Variants in HMCN2 observed in about 807,000 individuals in gnomAD.
HMCN2 encodes hemicentin 2, also known as hemicentin-2.
A neutral mutation model predicts 377.5 loss-of-function variants in HMCN2; 325 were observed. The ratio of observed to expected loss-of-function variants is 0.86; its 90% CI spans 0.79 to 0.94. The LOEUF (loss-of-function observed/expected upper bound fraction) is 0.94, where lower values mean the gene tolerates loss of function less well. Among genes scored for constraint, HMCN2 ranks in the 40% least tolerant of loss-of-function variants. HMCN2 has a pLI of 0.00. For missense variants in HMCN2, 4,543 were observed against 4,725.3 expected (o/e 0.96, Z 1.13); for synonymous variants, 2,007 against 2,046.8 (o/e 0.98, Z 0.53).
chr9:130,322,338 CTATCCATCT>C (rs1588240199), intron 19 of HMCN2, among the ~76,000 whole-genome samples: 383 of 148,730 alleles, frequency 2.6e-3, no homozygotes, highest in East Asian at 9.2e-3. Flanking sequence ...ATCTATCTAT[CTATCCATCT>C]ATCTATCTAT....
rs756945424 is a variant in HMCN2 at position 130,357,862 on chromosome 9, T to A, written c.5454T>A (p.Gly1818=). 7.7e-7 allele frequency: 1 copy of A among 1,303,664 alleles called. No individual in the cohort carries two copies. The highest frequency in any genetic ancestry group is 1.2e-5 in the South Asian group (1 of 80,978). The allele number at this position is 1,303,664 out of a possible 1,614,324, so 80.8% of individuals were successfully genotyped here. ...TCCCATCGGTCAGTATCATTGGGGG[T>A]GAGAACATCACAGCTCCTTTCCTGC... ...HEFPSVSIIG[G]ENITAPFLQP... The change falls in exon 35 of 98, where the codon GGT becomes GGA. Residue 1818 remains glycine, a synonymous_variant. Coordinates refer to ENST00000683500, the MANE Select transcript of HMCN2 (RefSeq NM_001291815.2).
At chr9:130,350,569 C>T (rs1456971719) in intron 29 of HMCN2, among the ~76,000 whole-genome samples, 3 of 148,078 alleles carry the variant, frequency 2.0e-5, no homozygotes, top group Admixed American at 6.8e-5. Context: ...AAAAAGTCCA[C>T]GTAACATACA....
At chr9:130,380,605 C>T (rs1173757421) in intron 54 of HMCN2, among the ~76,000 whole-genome samples, 1 of 151,868 alleles carries the variant, frequency 6.6e-6, no homozygotes, top group East Asian at 1.9e-4. Flanking sequence ...TGGGCAACAT[C>T]GTGAGACCCC....
Position 130,302,864 on chromosome 9 carries a change from C to T in HMCN2, c.1284C>T (p.Pro428=), listed in dbSNP as rs918426665. 2.1e-6 allele frequency: 1 copy of T among 466,242 alleles called. No individual in the cohort carries two copies. Among genetic ancestry groups the T allele is most frequent in the South Asian group, 1.6e-5 (1 of 63,962 alleles). The allele number at this position is 466,242 out of a possible 1,614,324, so 28.9% of individuals were successfully genotyped here. A position where few individuals can be genotyped will look rare whatever the true frequency, so the allele number is the denominator to read the frequency against. ...CCTGGTCCCCGCCTACAGGCGCTCC[C>T]CTCGTCAGCATGGCCCCCAGGATCC... ...VSYSGVAPGA[P]LVSMAPRIHG... The change falls in exon 9 of 98, where the codon CCC becomes CCT. Residue 428 remains proline, a synonymous_variant. Coordinates refer to ENST00000683500, the MANE Select transcript of HMCN2 (RefSeq NM_001291815.2).
rs1393675237 is a variant in HMCN2 at position 130,295,000 on chromosome 9, C to G, written c.758C>G (p.Pro253Arg). ...EVTISLSGPG[P>R]EIEVQDPLGR... is the part of the protein sequence containing the mutation. Reference sequence around the variant, plus strand: ...ACCATCTCATTGAGTGGGCCAGGGCCTGAGATTGAAGTCCAAGATCCGCTG... The same window carrying G: ...ACCATCTCATTGAGTGGGCCAGGGCGTGAGATTGAAGTCCAAGATCCGCTG... The change falls in exon 5 of 98, where the codon CCT becomes CGT. Residue 253 changes from proline (P) to arginine (R), a missense_variant. Around this residue, in one of 5 missense-constraint regions of HMCN2, gnomAD observed 547 missense variants for 189.9 expected, o/e 2.88. Coordinates refer to ENST00000683500, the MANE Select transcript of HMCN2 (RefSeq NM_001291815.2). The G allele has an allele frequency of 4.3e-6, 2 of 470,334 alleles. No homozygotes were observed. The highest frequency in any genetic ancestry group is 4.0e-5 in the African/African-American group (2 of 50,052). 29.1% of individuals were successfully genotyped at this position (470,334 alleles called of 1,614,324 possible). A position where few individuals can be genotyped will look rare whatever the true frequency, so the allele number is the denominator to read the frequency against.
chr9:130,350,398 A>AAC, intron 29 of HMCN2, among the ~76,000 whole-genome samples: 1 of 147,828 alleles, frequency 6.8e-6, no homozygotes, highest in Non-Finnish European at 1.5e-5. Flanking sequence ...CAAAAAAAAA[A>AAC]AAAAAAGAAA....
At position 130,303,960 on chromosome 9, in the gene HMCN2, G is replaced by A. The variant is rs922803595; in HGVS notation, c.1543+352G>A. On this transcript the variant is annotated intron_variant, in intron 10 of 97. Coordinates refer to ENST00000683500, the MANE Select transcript of HMCN2 (RefSeq NM_001291815.2). This position sits in a 1 kb window ranked among gnomAD's most constrained non-coding sequence, Gnocchi z 5.2. ...AAGTCCCGGCCAGGATGGCGCCATC[G>A]AGCTGGGGAGGTTGGATACACCACA... is the stretch of plus-strand genomic sequence containing the variant. 5.3e-5 allele frequency among the ~76,000 whole-genome samples: 8 copies of A among 152,220 alleles called. No individual in the cohort carries two copies. The highest frequency in any genetic ancestry group is 1.7e-4 in the African/African-American group (7 of 41,458).
At chr9:130,368,752 CA>C (rs145095502) in intron 44 of HMCN2, among the ~76,000 whole-genome samples, 8,267 of 151,974 alleles carry the variant, frequency 0.054, 349 homozygotes, top group East Asian at 0.18. Flanking sequence ...GAGAGAGAGC[CA>C]GGGGGGAAGC....
chr9:130,330,793 T>C, intron 22 of HMCN2, among the ~76,000 whole-genome samples: 1 of 152,194 alleles, frequency 6.6e-6, no homozygotes, highest in Admixed American at 6.5e-5. Flanking sequence ...TTTTACCCAT[T>C]TTCTCGATTC....
At chr9:130,355,271 C>G in intron 32 of HMCN2, among the ~76,000 whole-genome samples, 1 of 152,138 alleles carries the variant, frequency 6.6e-6, no homozygotes, top group Non-Finnish European at 1.5e-5. Context: ...CCTGACTGTG[C>G]CCAGGACCCT....
chr9:130,291,304 G>T (rs1444289167), intron 4 of HMCN2, among the ~76,000 whole-genome samples: 1 of 152,164 alleles, frequency 6.6e-6, no homozygotes, highest in Admixed American at 6.5e-5. Context: ...CTGCCTCCTG[G>T]GTTCAAGCAA....
rs142747119 is a variant in HMCN2 at position 130,306,489 on chromosome 9, C to T, written c.1958+219C>T. Among the ~76,000 whole-genome samples the T allele has an allele frequency of 5.5e-3, 836 of 152,186 alleles. 6 individuals carry two copies. Among genetic ancestry groups the T allele is most frequent in the African/African-American group, 0.019 (789 of 41,502 alleles). ...CAGGAGCTCAGGCTGTATGGACCTG[C>T]GCCCAAATCCCGCCCCCACCATTCA... On this transcript the variant is annotated intron_variant, in intron 12 of 97. Coordinates refer to ENST00000683500, the MANE Select transcript of HMCN2 (RefSeq NM_001291815.2).
chr9:130,373,980 G>A (rs1431800356), intron 48 of HMCN2, among the ~76,000 whole-genome samples: 2 of 151,550 alleles, frequency 1.3e-5, no homozygotes, highest in Non-Finnish European at 2.9e-5. Flanking sequence ...GGGTGGTTGG[G>A]TGGGTGAATG....
intron 87 of HMCN2, among the ~76,000 whole-genome samples, chr9:130,424,134 C>T (rs2131808630): frequency 6.6e-6 from 1 of 150,608 alleles, no homozygotes; most frequent in Middle Eastern, 3.4e-3. Context: ...GTGAATGCCA[C>T]CACACCTGGC....
chr9:130,385,728 G>T lies in HMCN2; in HGVS notation c.9275G>T (p.Arg3092Leu). ...LVLAQRTQALRGGQRLEIQEA... is the reference protein window; with the variant it reads ...LVLAQRTQALLGGQRLEIQEA... ...CTGGCACAGCGGACCCAGGCTCTGC[G>T]GGGTGGGCAGAGGCTGGAGATCCAG... Residue 3092 changes from arginine (R) to leucine (L), a missense_variant, in exon 60 of 98, where the codon CGG becomes CTG. Coordinates refer to ENST00000683500, the MANE Select transcript of HMCN2 (RefSeq NM_001291815.2). 1.5e-6 allele frequency: 2 copies of T among 1,304,108 alleles called. No individual in the cohort carries two copies. Among genetic ancestry groups the T allele is most frequent in the Non-Finnish European group, 1.0e-6 (1 of 988,902 alleles). The allele number at this position is 1,304,108 out of a possible 1,614,324, so 80.8% of individuals were successfully genotyped here.
chr9:130,332,270 C>T lies in HMCN2; in HGVS notation c.3359+4795C>T, dbSNP rs994378703. ...ATTTAAGTTTCCTCGCCTTCAGAGC[C>T]GGACGTTTAGATCACCATGGCGGTT... On this transcript the variant is annotated intron_variant, in intron 22 of 97. Coordinates refer to ENST00000683500, the MANE Select transcript of HMCN2 (RefSeq NM_001291815.2). Among the ~76,000 whole-genome samples the T allele has an allele frequency of 3.9e-3, 597 of 152,298 alleles. 3 individuals are homozygous for T. Among genetic ancestry groups the T allele is most frequent in the African/African-American group, 0.014 (567 of 41,558 alleles).
chr9:130,297,228 G>C (rs1554932487), intron 7 of HMCN2, among the ~76,000 whole-genome samples: 2 of 152,348 alleles, frequency 1.3e-5, no homozygotes, highest in East Asian at 3.9e-4. Flanking sequence ...CCAAAAAGGA[G>C]AGCAGTGCCT....
intron 86 of HMCN2, among the ~76,000 whole-genome samples, chr9:130,421,201 G>A (rs2131797105): frequency 6.6e-6 from 1 of 152,262 alleles, no homozygotes; most frequent in Non-Finnish European, 1.5e-5. Context: ...CTTTTTGATT[G>A]GCTTCGTATC....
At chr9:130,343,481 G>A (rs902236858) in intron 25 of HMCN2, among the ~76,000 whole-genome samples, 1 of 152,182 alleles carries the variant, frequency 6.6e-6, no homozygotes, top group South Asian at 2.1e-4. Flanking sequence ...AGCTCTGGGA[G>A]CCCCTCTGGA....
Sources: gnomAD v4.1 joint callset for allele counts (sites outside exome capture counted in the v4.1 genomes callset) on GRCh38, gnomAD v4.1.1 for gene constraint, gnomAD v4.1.1 regional missense constraint, Gnocchi (gnomAD v3.1) non-coding constraint, MANE v1.5 for transcripts, NCBI Gene and HGNC (gene_info 2026-07-23, HGNC 2026-07-21) for gene names.